The following GDPD4 variants were observed in gnomAD, a reference collection of about 807,000 sequenced individuals.
GDPD4 encodes glycerophosphodiester phosphodiesterase 6.
Under a neutral mutation model 67.8 loss-of-function variants are expected in GDPD4, and 60 were observed. That is an observed-to-expected ratio of 0.88 (90% CI 0.72 to 1.10). The LOEUF is 1.10. Among genes scored for constraint, GDPD4 ranks in the 50% least tolerant of loss-of-function variants. The pLI is 0.00. For synonymous variants in GDPD4, 212 were observed against 210.9 expected (o/e 1.00, Z -0.04); for missense variants, 623 against 613.9 (o/e 1.01, Z -0.16).
intron 1 of GDPD4, among the ~76,000 whole-genome samples, chr11:77,287,991 C>T (rs1960064513): frequency 6.6e-6 from 1 of 152,076 alleles, no homozygotes. Context: ...AGAGATAGAA[C>T]AAAATATGTA....
chr11:77,284,274 A>G (rs1591576716), intron 3 of GDPD4, among the ~76,000 whole-genome samples: 1 of 152,196 alleles, frequency 6.6e-6, no homozygotes, highest in Non-Finnish European at 1.5e-5. Flanking sequence ...ATTTTGTTAA[A>G]ATGTTTATTA....
intron 10 of GDPD4, among the ~76,000 whole-genome samples, chr11:77,259,204 T>C (rs1047432146): frequency 1.3e-5 from 2 of 152,136 alleles, no homozygotes; most frequent in African/African-American, 4.8e-5. Flanking sequence ...GGTCTCGAAC[T>C]CCTGGCCTCA....
intron 13 of GDPD4, among the ~76,000 whole-genome samples, chr11:77,238,601 A>T (rs1433449613): frequency 1.4e-5 from 2 of 144,870 alleles, no homozygotes; most frequent in Non-Finnish European, 3.1e-5. Context: ...AAAAAAAAAA[A>T]ATTATGTTAT....
chr11:77,276,786 C>G (rs965073825), intron 4 of GDPD4, among the ~76,000 whole-genome samples: 2 of 152,150 alleles, frequency 1.3e-5, no homozygotes, highest in African/African-American at 2.4e-5. Context: ...TCCTCAGATG[C>G]CTAGGATATT....
chr11:77,286,059 C>G (rs192675968), intron 2 of GDPD4, among the ~76,000 whole-genome samples: 1 of 152,210 alleles, frequency 6.6e-6, no homozygotes, highest in East Asian at 1.9e-4. Context: ...TAAAACCACA[C>G]AACATTGGAC....
intron 10 of GDPD4, 29 bp from the exon 11 acceptor site, chr11:77,258,571 GGGTAGATAGGCTGAATTTAGCTACCTT>G (rs1414953124): frequency 3.1e-6 from 5 of 1,610,818 alleles, no homozygotes; most frequent in Non-Finnish European, 3.4e-6. Context: ...AGAAGGGCAG[GGGTAGATAGGCTGAATTTAGCTACCTT>G]GGTAGACAGG....
chr11:77,277,408 T>A (rs1959527228), intron 4 of GDPD4, among the ~76,000 whole-genome samples: 1 of 117,384 alleles, frequency 8.5e-6, no homozygotes, highest in Non-Finnish European at 1.8e-5. Context: ...TTTTTTTTTT[T>A]TTTTTTTTTT....
chr11:77,224,466 G>A (rs1205679408), intron 16 of GDPD4, among the ~76,000 whole-genome samples: 1 of 152,192 alleles, frequency 6.6e-6, no homozygotes, highest in Admixed American at 6.5e-5. Context: ...ATAGCAGACT[G>A]GAGAGATATT....
At chr11:77,258,344 A>G in intron 11 of GDPD4, 42 bp downstream of exon 11, 3 of 1,597,956 alleles carry the variant, frequency 1.9e-6, no homozygotes, top group Non-Finnish European at 1.7e-6. Context: ...ATCTCTTACA[A>G]AAATTCAATG....
chr11:77,287,515 G>A (rs1021474493), intron 1 of GDPD4, 95 bp from the exon 2 acceptor site: 4 of 152,072 alleles, frequency 2.6e-5, no homozygotes, highest in Non-Finnish European at 5.9e-5. Flanking sequence ...AAGACAGATG[G>A]ATTTTTAAAA....
intron 10 of GDPD4, among the ~76,000 whole-genome samples, chr11:77,266,044 T>C (rs1373448031): frequency 6.6e-6 from 1 of 152,206 alleles, no homozygotes; most frequent in Non-Finnish European, 1.5e-5. Context: ...TACAGTTTAT[T>C]TAATCATTAA....
At position 77,246,307 on chromosome 11, in the gene GDPD4, T is replaced by TA. The variant is rs1447101128; in HGVS notation, c.865-806dup. Among the ~76,000 whole-genome samples, 13 of 152,270 alleles carry TA rather than the reference T, an allele frequency of 8.5e-5. No individual in the cohort carries two copies. In the East Asian group the frequency reaches 1.9e-3, roughly 23 times the overall value. On this transcript the variant is annotated intron_variant, in intron 11 of 16. Coordinates refer to ENST00000315938, the MANE Select transcript of GDPD4 (RefSeq NM_182833.3). ...GGGCAATAGAGTGAGGCCCTATCTC[T>TA]AAAAAAATCAATAAATAAAGAGACT...
intron 4 of GDPD4, among the ~76,000 whole-genome samples, chr11:77,277,242 T>C (rs1459312815): frequency 6.6e-6 from 1 of 151,606 alleles, no homozygotes; most frequent in African/African-American, 2.4e-5. Context: ...AAAAAAAAGT[T>C]TCTAATTGGT....
intron 11 of GDPD4, among the ~76,000 whole-genome samples, chr11:77,256,146 T>C (rs1265144311): frequency 6.6e-6 from 1 of 152,208 alleles, no homozygotes; most frequent in East Asian, 1.9e-4. Context: ...GATGAAACTT[T>C]GGCTCAATTT....
intron 11 of GDPD4, among the ~76,000 whole-genome samples, chr11:77,249,345 T>C (rs1259222356): frequency 1.3e-5 from 2 of 152,064 alleles, no homozygotes; most frequent in Non-Finnish European, 2.9e-5. Flanking sequence ...AAATTGTTTT[T>C]CGAAGCCTCA....
chr11:77,239,963 A>G (rs1380443740), intron 13 of GDPD4, among the ~76,000 whole-genome samples: 1 of 150,232 alleles, frequency 6.7e-6, no homozygotes, highest in East Asian at 1.9e-4. Context: ...CTGCCTCAGA[A>G]AAAAAAAAAA....
intron 15 of GDPD4, among the ~76,000 whole-genome samples, chr11:77,228,552 C>T (rs1958390763): frequency 6.8e-6 from 1 of 147,516 alleles, no homozygotes; most frequent in Non-Finnish European, 1.5e-5. Context: ...GTGGCAGGCA[C>T]CTGTAATCCC....
At chr11:77,299,457 ATAATG>A (rs1320313613) in intron 1 of GDPD4, among the ~76,000 whole-genome samples, 1 of 152,146 alleles carries the variant, frequency 6.6e-6, no homozygotes, top group Non-Finnish European at 1.5e-5. Flanking sequence ...AAAACATTAT[ATAATG>A]TATTTATTTA....
chr11:77,216,782 C>T lies in GDPD4; in HGVS notation c.*495G>A. On this transcript the variant is annotated 3_prime_UTR_variant, in exon 17 of 17. Transcript: ENST00000315938. ...TGTGCCTTTATCAACCACTCCCCAC[C>T]ATCACCACCCTTAGGCAGAGAGAGG... The T allele has an allele frequency of 5.0e-6, 3 of 604,580 alleles. No homozygotes were observed. Among genetic ancestry groups the T allele is most frequent in the Non-Finnish European group, 8.8e-6 (3 of 341,174 alleles). 37.5% of individuals were successfully genotyped at this position (604,580 alleles called of 1,614,324 possible).
Sources: gnomAD v4.1 joint callset for allele counts (sites outside exome capture counted in the v4.1 genomes callset) on GRCh38, gnomAD v4.1.1 for gene constraint, MANE v1.5 for transcripts, NCBI Gene and HGNC (gene_info 2026-07-23, HGNC 2026-07-21) for gene names.